Variants in TMEM192 observed in about 807,000 individuals in gnomAD.
TMEM192 encodes transmembrane protein 192.
A neutral mutation model predicts 26.7 loss-of-function variants in TMEM192; 20 were observed. The observed-to-expected ratio is 0.75, with a 90% CI of 0.53 to 1.09. TMEM192 has a LOEUF of 1.09. Ranked by LOEUF, TMEM192 falls within the 50% of genes least tolerant of loss-of-function variation. The pLI, the probability that TMEM192 is intolerant of heterozygous loss-of-function variation, is 0.00. For synonymous variants in TMEM192, 124 were observed against 121.0 expected, an observed-to-expected ratio of 1.02 and a Z score of -0.16; for missense variants, 304 against 322.6, an observed-to-expected ratio of 0.94 and a Z score of 0.44.
Position 165,112,741 on chromosome 4 carries a change from A to G in TMEM192, c.27+6T>C, listed in dbSNP as rs1479052927. ...GGCCAACCGCCCGCCGCCTCCGTGC[A>G]CTCACGTCCTCCATCCTGCCCCCCG... On this transcript the variant is annotated splice_donor_region_variant and intron_variant, in intron 1 of 5. Transcript: ENST00000306480. 1 of 1,608,956 alleles carries G rather than the reference A, an allele frequency of 6.2e-7. No individual in the cohort carries two copies. Among genetic ancestry groups the G allele is most frequent in the East Asian group, 2.2e-5 (1 of 44,716 alleles).
intron 3 of TMEM192, among the ~76,000 whole-genome samples, chr4:165,090,908 C>A: frequency 1.7e-4 from 1 of 5,810 alleles, no homozygotes; most frequent in Non-Finnish European, 1.4e-3. Flanking sequence ...GAGACTCTGT[C>A]TCAAAAAAAA....
rs1324065542 is a variant in TMEM192 at position 165,112,849 on chromosome 4, T to C, written c.-76A>G. Reference sequence around the variant, plus strand: ...ACCTGTAAGCCTCTGGCCGCGAAACTCGCCACCTTCTGGGACCTGCCAGGC... The same window carrying C: ...ACCTGTAAGCCTCTGGCCGCGAAACCCGCCACCTTCTGGGACCTGCCAGGC... On this transcript the variant is annotated 5_prime_UTR_variant, in exon 1 of 6. Transcript: ENST00000306480. 8 of 1,556,884 alleles carry C rather than the reference T, an allele frequency of 5.1e-6. No individual in the cohort carries two copies. Among genetic ancestry groups the C allele is most frequent in the Non-Finnish European group, 6.9e-6 (8 of 1,156,452 alleles).
At chr4:165,093,691 C>T (rs78384572) in intron 3 of TMEM192, among the ~76,000 whole-genome samples, 371 of 152,268 alleles carry the variant, frequency 2.4e-3, no homozygotes, top group Middle Eastern at 0.01. Context: ...TTTGTGCTAA[C>T]CAAATACACT....
chr4:165,085,054 C>G (rs1734578806), intron 5 of TMEM192, among the ~76,000 whole-genome samples: 1 of 152,088 alleles, frequency 6.6e-6, no homozygotes, highest in African/African-American at 2.4e-5. Context: ...GCGGGCGGAT[C>G]ACCTGAGGTC....
chr4:165,093,435 GA>G (rs575900005), intron 3 of TMEM192, among the ~76,000 whole-genome samples: 111 of 151,754 alleles, frequency 7.3e-4, no homozygotes, highest in Admixed American at 1.2e-3. Context: ...TACATGCTAG[GA>G]AAAAAAACTT....
At position 165,073,145 on chromosome 4, in the gene TMEM192, GAGAGATC is replaced by G. The variant is rs1394005845; in HGVS notation, c.*6506_*6512del. The G allele has an allele frequency of 3.3e-5, 5 of 152,680 alleles. No homozygotes were observed. Among genetic ancestry groups the G allele is most frequent in the African/African-American group, 4.8e-5 (2 of 41,478 alleles). The allele number at this position is 152,680 out of a possible 1,614,324, so 9.5% of individuals were successfully genotyped here. On this transcript the variant is annotated 3_prime_UTR_variant, in exon 6 of 6. Coordinates refer to ENST00000306480, the MANE Select transcript of TMEM192 (RefSeq NM_001100389.2). ...GAAGTGATCAACTGTGGGGAAAAGA[GAGAGATC>G]AGATTGTTACTGTGTCTATGTAGAA...
At chr4:165,089,940 G>A (rs1330568830) in intron 3 of TMEM192, among the ~76,000 whole-genome samples, 2 of 151,910 alleles carry the variant, frequency 1.3e-5, no homozygotes, top group African/African-American at 2.4e-5. Flanking sequence ...GGCCAGGCGC[G>A]GTGGCTCACG....
intron 3 of TMEM192, among the ~76,000 whole-genome samples, chr4:165,094,997 G>A (rs537205433): frequency 1.3e-4 from 19 of 151,872 alleles, no homozygotes; most frequent in Non-Finnish European, 2.6e-4. Context: ...AAGATTCTAA[G>A]GTTAATGCTT....
intron 1 of TMEM192, among the ~76,000 whole-genome samples, chr4:165,108,792 GCT>G (rs1289950652): frequency 2.6e-5 from 4 of 152,088 alleles, no homozygotes; most frequent in Admixed American, 2.0e-4. Context: ...CCTCTTTGTA[GCT>G]CTCTCCTCTC....
rs1735018574 is a variant in TMEM192 at position 165,100,685 on chromosome 4, A to T, written c.382T>A (p.Leu128Met). The T allele has an allele frequency of 6.2e-7, 1 of 1,614,040 alleles. No homozygotes were observed. Among genetic ancestry groups the T allele is most frequent in the Non-Finnish European group, 8.5e-7 (1 of 1,180,032 alleles). ...AGATGCCTTGTTGATCGGTAGATCA[A>T]GTTATAGCCTCGGTTTCTGATTTTG... ...HSKIRNRGYN[L>M]IYRSTRHLKR... The change falls in exon 3 of 6, where the codon TTG (leucine) becomes ATG (methionine). Residue 128 changes from leucine to methionine, a missense_variant. Coordinates refer to ENST00000306480, the MANE Select transcript of TMEM192 (RefSeq NM_001100389.2).
At chr4:165,089,040 CAAAAAAAAAAAAAAA>C (rs56000323) in intron 3 of TMEM192, among the ~76,000 whole-genome samples, 2 of 47,290 alleles carry the variant, frequency 4.2e-5, no homozygotes, top group South Asian at 1.5e-3. Flanking sequence ...GACCCTACTG[CAAAAAAAAAAAAAAA>C]AAAAAAAAAA....
rs1339879093 is a variant in TMEM192, at chr4:165,082,824, C to T, written c.677+2762G>A. Among the ~76,000 whole-genome samples the T allele has an allele frequency of 5.2e-5, 2 of 38,218 alleles. 1 individual carries two copies. The highest frequency in any genetic ancestry group is 2.0e-4 in the Non-Finnish European group (2 of 10,238). 25.1% of individuals were successfully genotyped at this position (38,218 alleles called of 152,430 possible). A position where few individuals can be genotyped will look rare whatever the true frequency, so the allele number is the denominator to read the frequency against. On this transcript the variant is annotated intron_variant, in intron 5 of 5. Coordinates refer to ENST00000306480, the MANE Select transcript of TMEM192 (RefSeq NM_001100389.2). ...GATCTCGGCTCACTGCAACCTCTGC[C>T]TCCCGGGTCCAAGCGATTCTCCTGC...
At chr4:165,088,767 A>C (rs996213434) in intron 3 of TMEM192, among the ~76,000 whole-genome samples, 165 bp from the exon 4 acceptor site, 3 of 152,126 alleles carry the variant, frequency 2.0e-5, no homozygotes, top group Non-Finnish European at 4.4e-5. Context: ...GGCCAGGTGC[A>C]GTGGCTCACA....
Position 165,073,298 on chromosome 4 carries a change from G to C in TMEM192, c.*6360C>G, listed in dbSNP as rs1734309147. On this transcript the variant is annotated 3_prime_UTR_variant, in exon 6 of 6. Transcript: ENST00000306480. Reference sequence around the variant, plus strand: ...GCTCACAGAAACATGTGCTGTATTGGATCAGTTTAATGGATTTAGGGCTGT... The same window carrying C: ...GCTCACAGAAACATGTGCTGTATTGCATCAGTTTAATGGATTTAGGGCTGT... The C allele has an allele frequency of 6.6e-6, 1 of 152,354 alleles. No individual in the cohort carries two copies. The highest frequency in any genetic ancestry group is 1.5e-5 in the Non-Finnish European group (1 of 68,184). The allele number at this position is 152,354 out of a possible 1,614,324, so 9.4% of individuals were successfully genotyped here. A position where few individuals can be genotyped will look rare whatever the true frequency, so the allele number is the denominator to read the frequency against.
At chr4:165,109,051 T>C (rs1342401245) in intron 1 of TMEM192, among the ~76,000 whole-genome samples, 1 of 152,232 alleles carries the variant, frequency 6.6e-6, no homozygotes. Context: ...ACGTTATATC[T>C]AGCTTTTTGG....
intron 1 of TMEM192, among the ~76,000 whole-genome samples, chr4:165,104,629 C>T (rs2110793023): frequency 6.6e-6 from 1 of 152,228 alleles, no homozygotes; most frequent in Non-Finnish European, 1.5e-5. Flanking sequence ...CCCCTGGGTT[C>T]AATCGATTCT....
intron 1 of TMEM192, among the ~76,000 whole-genome samples, chr4:165,108,343 G>A (rs772521545): frequency 1.3e-5 from 2 of 151,848 alleles, no homozygotes; most frequent in African/African-American, 4.8e-5. Flanking sequence ...GGATGGTCTC[G>A]ATCTCCTGAC....
rs1734450531 is a variant in TMEM192, at chr4:165,078,885, G to A, written c.*773C>T. 6.6e-6 allele frequency: 1 copy of A among 152,190 alleles called. No homozygotes were observed. The highest frequency in any genetic ancestry group is 2.4e-5 in the African/African-American group (1 of 41,422). 9.4% of individuals were successfully genotyped at this position (152,190 alleles called of 1,614,324 possible). ...GCTCACTGCAAGCTCCGCCTCCTGG[G>A]TCCACACCATTCTCCTGCCTCAGCC... On this transcript the variant is annotated 3_prime_UTR_variant, in exon 6 of 6. Transcript: ENST00000306480.
chr4:165,106,799 T>G (rs1735170172), intron 1 of TMEM192, among the ~76,000 whole-genome samples: 1 of 152,180 alleles, frequency 6.6e-6, no homozygotes, highest in Admixed American at 6.5e-5. Context: ...CACTACCACC[T>G]TCCCTTTCCC....
Sources: gnomAD v4.1 joint callset for allele counts (sites outside exome capture counted in the v4.1 genomes callset) on GRCh38, gnomAD v4.1.1 for gene constraint, MANE v1.5 for transcripts, NCBI Gene and HGNC (gene_info 2026-07-23, HGNC 2026-07-21) for gene names.